COG3: variants seen among roughly 807,000 people sequenced by gnomAD.
COG3 encodes the protein conserved oligomeric Golgi complex subunit 3.
A neutral mutation model predicts 114.1 loss-of-function variants in COG3; 32 were observed. The ratio of observed to expected loss-of-function variants is 0.28; its 90% confidence interval spans 0.21 to 0.38. The LOEUF (loss-of-function observed/expected upper bound fraction) is 0.38. Among genes scored for constraint, COG3 ranks in the 10% least tolerant of loss-of-function variants. The pLI is 1.00. For missense variants in COG3, 813 were observed against 973.2 expected, an observed-to-expected ratio of 0.84 and a Z score of 2.19; for synonymous variants, 352 against 365.7, an observed-to-expected ratio of 0.96 and a Z score of 0.43.
chr13:45,511,115 G>T (rs979554122), intron 15 of COG3, among the ~76,000 whole-genome samples: 54 of 151,306 alleles, frequency 3.6e-4, no homozygotes, highest in African/African-American at 1.3e-3. Context: ...AGTAATGGCA[G>T]AATTAAATTA....
intron 1 of COG3, 25 bp from the exon 2 acceptor site, chr13:45,476,176 A>C (rs1335953484): frequency 6.2e-7 from 1 of 1,611,516 alleles, no homozygotes; most frequent in Non-Finnish European, 8.5e-7. Context: ...TCACTTAAAT[A>C]TCTTTGTGAC....
At chr13:45,519,318 T>C (rs1871861775) in intron 19 of COG3, among the ~76,000 whole-genome samples, 1 of 152,212 alleles carries the variant, frequency 6.6e-6, no homozygotes, top group South Asian at 2.1e-4. Context: ...AGTCGAAATA[T>C]TGCAAAGCTA....
At chr13:45,502,171 A>C (rs1384140675) in intron 13 of COG3, among the ~76,000 whole-genome samples, 1 of 152,130 alleles carries the variant, frequency 6.6e-6, no homozygotes, top group East Asian at 1.9e-4. Flanking sequence ...GGTATGATGA[A>C]GACTAGATCT....
intron 22 of COG3, chr13:45,531,074 C>T (rs1300904342): frequency 9.9e-7 from 1 of 1,009,294 alleles, no homozygotes; most frequent in African/African-American, 1.7e-5. Flanking sequence ...TGGCATTTAG[C>T]TTGCTGAATA....
At chr13:45,472,073 TA>T in intron 1 of COG3, among the ~76,000 whole-genome samples, 1 of 152,176 alleles carries the variant, frequency 6.6e-6, no homozygotes, top group Non-Finnish European at 1.5e-5. Flanking sequence ...TCCTACATTT[TA>T]AACAGATAAT....
At position 45,535,546 on chromosome 13, in the gene COG3, T is replaced by C. The variant is rs114304994; in HGVS notation, c.*815T>C. 7.8e-4 allele frequency: 766 copies of C among 985,230 alleles called. 5 individuals carry two copies. The African/African-American group carries it at 0.013, about 17-fold the overall frequency. The allele number at this position is 985,230 out of a possible 1,614,324, so 61.0% of individuals were successfully genotyped here. A position where few individuals can be genotyped will look rare whatever the true frequency, so the allele number is the denominator to read the frequency against. On this transcript the variant is annotated 3_prime_UTR_variant, in exon 23 of 23. Transcript: ENST00000349995. ...AGAGGAGAGAAGGAAACCTGAGGAG[T>C]AGTGTTCCTCCTGAATGAAGGTTCA...
intron 22 of COG3, 191 bp downstream of exon 22, chr13:45,530,971 A>T: frequency 1.0e-6 from 1 of 983,534 alleles, no homozygotes; most frequent in Non-Finnish European, 1.2e-6. Flanking sequence ...TAGAATTTTC[A>T]GTTAATCTCA....
intron 13 of COG3, among the ~76,000 whole-genome samples, chr13:45,501,389 G>A (rs35441087): frequency 0.055 from 8,399 of 152,092 alleles, 276 homozygotes; most frequent in East Asian, 0.1. Flanking sequence ...TGGACTTAAC[G>A]GATATTTATT....
At chr13:45,510,637 G>A (rs1870757918) in intron 15 of COG3, among the ~76,000 whole-genome samples, 1 of 152,144 alleles carries the variant, frequency 6.6e-6, no homozygotes, top group African/African-American at 2.4e-5. Context: ...TGCTTAACAG[G>A]GATTTTAGCT....
chr13:45,496,004 T>G, intron 12 of COG3, 148 bp from the exon 13 acceptor site: 1 of 585,324 alleles, frequency 1.7e-6, no homozygotes, highest in Non-Finnish European at 2.8e-6. Context: ...TCCAAGCTCA[T>G]TGAGTCATGC....
Position 45,534,801 on chromosome 13 carries a change from A to G in COG3, c.*70A>G. ...CAGGCTGAGAAGTCTTGCAGTCTGCAGGACACCGAGGAATCGTATGTGGGA... is the reference window on the plus strand; with the variant it reads ...CAGGCTGAGAAGTCTTGCAGTCTGCGGGACACCGAGGAATCGTATGTGGGA... On this transcript the variant is annotated 3_prime_UTR_variant, in exon 23 of 23. Transcript: ENST00000349995. The G allele has an allele frequency of 6.7e-7, 1 of 1,500,034 alleles. No homozygotes were observed. Among genetic ancestry groups the G allele is most frequent in the Admixed American group, 2.4e-5 (1 of 41,536 alleles). The allele number at this position is 1,500,034 out of a possible 1,614,324, so 92.9% of individuals were successfully genotyped here.
chr13:45,491,533 G>C lies in COG3; in HGVS notation c.1090G>C (p.Ala364Pro). The C allele has an allele frequency of 6.2e-7, 1 of 1,609,402 alleles. No individual in the cohort carries two copies. The highest frequency in any genetic ancestry group is 2.2e-5 in the East Asian group (1 of 44,686). ...LTSQNNRDHC[A>P]LVRSGCAFMV... The stretch of plus-strand genomic sequence containing the variant: ...CAGCCAAAATAATAGAGATCACTGT[G>C]CCTTGGTAAGTTTCTACTTGTTTTG... Residue 364 changes from alanine to proline, a missense_variant, in exon 10 of 23, where the codon GCC (alanine) becomes CCC (proline). Physicochemically the swap from Ala to Pro is conservative, Grantham distance 27 (BLOSUM62 -1). Around this residue, in one of 2 missense-constraint regions of COG3, gnomAD observed 424 missense variants for 430.6 expected, o/e 0.98. Transcript: ENST00000349995.
At chr13:45,467,365 G>A (rs1885205708) in intron 1 of COG3, among the ~76,000 whole-genome samples, 1 of 152,224 alleles carries the variant, frequency 6.6e-6, no homozygotes, top group South Asian at 2.1e-4. Flanking sequence ...GCTAAGGCGG[G>A]AGAATCACTT....
intron 1 of COG3, among the ~76,000 whole-genome samples, chr13:45,473,333 G>T (rs1008542687): frequency 6.6e-6 from 1 of 152,064 alleles, no homozygotes; most frequent in Non-Finnish European, 1.5e-5. Context: ...ATAATCTTGT[G>T]GATTATTTGG....
chr13:45,516,081 T>G, intron 16 of COG3, 62 bp from the exon 17 acceptor site: 3 of 1,245,544 alleles, frequency 2.4e-6, no homozygotes, highest in Non-Finnish European at 3.3e-6. Context: ...TAATGTATGC[T>G]GTATATGCTT....
intron 1 of COG3, among the ~76,000 whole-genome samples, chr13:45,473,751 G>C (rs1369274609): frequency 6.6e-6 from 1 of 152,226 alleles, no homozygotes; most frequent in Non-Finnish European, 1.5e-5. Context: ...TCCCCAAGGA[G>C]ACAGCTCATG....
At chr13:45,524,476 G>A (rs1391428104) in intron 19 of COG3, among the ~76,000 whole-genome samples, 1 of 151,978 alleles carries the variant, frequency 6.6e-6, no homozygotes, top group Non-Finnish European at 1.5e-5. Flanking sequence ...ACTTTTTGAT[G>A]GTATTTGAAA....
chr13:45,526,774 A>T (rs1246127039), intron 20 of COG3, among the ~76,000 whole-genome samples: 2 of 152,344 alleles, frequency 1.3e-5, no homozygotes, highest in East Asian at 3.9e-4. Context: ...CTGTCAGAAG[A>T]CAGAAAATCA....
rs1555294772 is a variant in COG3, at chr13:45,484,612, ATTTT to A, written c.843+1261_843+1264del. On this transcript the variant is annotated intron_variant, in intron 7 of 22. Coordinates refer to ENST00000349995, the MANE Select transcript of COG3 (RefSeq NM_031431.4). Reference sequence around the variant, plus strand: ...TATTTATTTATTTATTTATTTATTTATTTTTTTATTGATAATTCTTGGGTGTTTC... The same window carrying A: ...TATTTATTTATTTATTTATTTATTTATTTATTGATAATTCTTGGGTGTTTC... 3.5e-5 allele frequency among the ~76,000 whole-genome samples: 5 copies of A among 142,976 alleles called. No individual in the cohort carries two copies. The East Asian group carries it at 6.0e-4, about 17-fold the overall frequency. The allele number at this position is 142,976 out of a possible 152,430, so 93.8% of individuals were successfully genotyped here.
Sources: gnomAD v4.1 joint callset for allele counts (sites outside exome capture counted in the v4.1 genomes callset) on GRCh38, gnomAD v4.1.1 for gene constraint, gnomAD v4.1.1 regional missense constraint, MANE v1.5 for transcripts, NCBI Gene and HGNC (gene_info 2026-07-23, HGNC 2026-07-21) for gene names.